SMCHD1: variants seen among roughly 807,000 people sequenced by gnomAD.
SMCHD1 encodes the protein structural maintenance of chromosomes flexible hinge domain containing 1, also known as structural maintenance of chromosomes flexible hinge domain-containing protein 1.
SMCHD1 carries 78 observed loss-of-function variants against 254.7 expected under a neutral mutation model. The ratio of observed to expected loss-of-function variants is 0.31; its 90% CI spans 0.26 to 0.37. The LOEUF is 0.37. Ranked by LOEUF, SMCHD1 falls within the 10% of genes least tolerant of loss-of-function variation. SMCHD1 has a pLI of 1.00. For missense variants in SMCHD1, 1,840 were observed against 2,408.1 expected (o/e 0.76, Z 4.94); for synonymous variants, 766 against 794.9 (o/e 0.96, Z 0.61).
At chr18:2,740,886 T>C (rs1043315298) in intron 28 of SMCHD1, 65 bp downstream of exon 28, 6 of 849,906 alleles carry the variant, frequency 7.1e-6, no homozygotes, top group Non-Finnish European at 1.1e-5. Context: ...ACAAAAAGTT[T>C]GGGAAAAACT....
In SMCHD1 at chr18:2,722,711, A is replaced by G. The variant is rs200081050; in HGVS notation, c.2603+48A>G. 1.7e-4 allele frequency: 251 copies of G among 1,501,680 alleles called. No homozygotes were observed. In the East Asian group the frequency reaches 4.8e-3, roughly 29 times the overall value. 93.0% of individuals were successfully genotyped at this position (1,501,680 alleles called of 1,614,324 possible). A position where few individuals can be genotyped will look rare whatever the true frequency, so the allele number is the denominator to read the frequency against. On this transcript the variant is annotated intron_variant, in intron 20 of 47. Transcript: ENST00000320876. ...ATTTGTCCTTTGATATTTGCTAAGC[A>G]TTTACTCTTTTTTTCAGCTTCATTT...
At chr18:2,703,927 A>G in intron 13 of SMCHD1, 41 bp downstream of exon 13, 1 of 1,444,196 alleles carries the variant, frequency 6.9e-7, no homozygotes, top group Non-Finnish European at 9.3e-7. Flanking sequence ...ATAATTTTTA[A>G]TTTAATTTAA....
intron 32 of SMCHD1, among the ~76,000 whole-genome samples, chr18:2,750,841 A>G (rs1375846281): frequency 1.3e-5 from 2 of 152,086 alleles, no homozygotes; most frequent in Admixed American, 6.5e-5. Flanking sequence ...TTTTTACCCT[A>G]TAAAGTAGAC....
rs62084229 is a variant in SMCHD1, at chr18:2,718,267, A to G, written c.2338+32A>G. 355,195 of 1,609,134 alleles carry G rather than the reference A, an allele frequency of 0.22. 41,131 individuals are homozygous for G. Among genetic ancestry groups the G allele is most frequent in the Admixed American group, 0.31 (18,202 of 59,462 alleles). ...TCTTATTCTGAATGTTAAAAAATAC[A>G]TTGGTATTGTGTTGACTTGATTTTT... On this transcript the variant is annotated intron_variant, in intron 18 of 47. Transcript: ENST00000320876. The surrounding 1 kb of genome is among the most constrained non-coding windows in gnomAD (Gnocchi z 4.6).
At chr18:2,680,916 C>G (rs1178802528) in intron 5 of SMCHD1, among the ~76,000 whole-genome samples, 1 of 152,108 alleles carries the variant, frequency 6.6e-6, no homozygotes, top group Non-Finnish European at 1.5e-5. Flanking sequence ...AGTGTTCACT[C>G]GTTTACTGAT....
intron 25 of SMCHD1, 123 bp from the exon 26 acceptor site, chr18:2,738,274 A>G (rs903926231): frequency 1.6e-5 from 14 of 870,916 alleles, no homozygotes; most frequent in Non-Finnish European, 2.2e-5. Context: ...TCTGACCATA[A>G]AGAGACTTTT....
intron 17 of SMCHD1, among the ~76,000 whole-genome samples, chr18:2,708,886 A>G (rs1447894704): frequency 4.1e-5 from 3 of 72,334 alleles, no homozygotes; most frequent in African/African-American, 2.1e-4. Context: ...ATATATATAT[A>G]TATATATATA....
chr18:2,793,374 T>C lies in SMCHD1; in HGVS notation c.5720-2575T>C, dbSNP rs968840766. Among the ~76,000 whole-genome samples, 9 of 152,184 alleles carry C rather than the reference T, an allele frequency of 5.9e-5. 1 individual carries two copies. Among genetic ancestry groups the C allele is most frequent in the Middle Eastern group, 6.8e-3 (2 of 294 alleles). The stretch of plus-strand genomic sequence containing the variant: ...TATTATTTTATGTACGTAGAAAACA[T>C]TGCTTGAGGCCAGGCGCAGTGGCTC... On this transcript the variant is annotated intron_variant, in intron 45 of 47. Coordinates refer to ENST00000320876, the MANE Select transcript of SMCHD1 (RefSeq NM_015295.3).
At chr18:2,677,359 T>C (rs948855684) in intron 5 of SMCHD1, among the ~76,000 whole-genome samples, 6 of 152,232 alleles carry the variant, frequency 3.9e-5, no homozygotes, top group Non-Finnish European at 7.3e-5. Context: ...GGTTCAATAT[T>C]TTTAATCTTG....
chr18:2,686,478 T>G (rs2074054725), intron 5 of SMCHD1, among the ~76,000 whole-genome samples: 1 of 152,236 alleles, frequency 6.6e-6, no homozygotes, highest in Non-Finnish European at 1.5e-5. Context: ...GCATCGTTTA[T>G]AAGGAGAAAT....
rs763328126 is a variant in SMCHD1 at position 2,743,974 on chromosome 18, C to T, written c.3801+46C>T. The T allele has an allele frequency of 2.8e-6, 4 of 1,438,240 alleles. No homozygotes were observed. The East Asian group carries it at 9.3e-5, about 33-fold the overall frequency. The allele number at this position is 1,438,240 out of a possible 1,614,324, so 89.1% of individuals were successfully genotyped here. A position where few individuals can be genotyped will look rare whatever the true frequency, so the allele number is the denominator to read the frequency against. ...ACTGAAAGAATTTAATATCATATGGCTTATTACTTTCAGATTGTCAGTGAA... is the reference window on the plus strand; with the variant it reads ...ACTGAAAGAATTTAATATCATATGGTTTATTACTTTCAGATTGTCAGTGAA... On this transcript the variant is annotated intron_variant, in intron 29 of 47. Coordinates refer to ENST00000320876, the MANE Select transcript of SMCHD1 (RefSeq NM_015295.3).
At chr18:2,715,923 T>C (rs1296950983) in intron 17 of SMCHD1, among the ~76,000 whole-genome samples, 1 of 152,210 alleles carries the variant, frequency 6.6e-6, no homozygotes, top group East Asian at 1.9e-4. Context: ...TTAGGATCCA[T>C]CGTTAGAGAA....
At chr18:2,790,432 T>C (rs2076301779) in intron 45 of SMCHD1, among the ~76,000 whole-genome samples, 1 of 152,124 alleles carries the variant, frequency 6.6e-6, no homozygotes, top group Non-Finnish European at 1.5e-5. Context: ...AACTTATAAA[T>C]TAAAATTTAT....
At chr18:2,682,125 G>C (rs2073944261) in intron 5 of SMCHD1, among the ~76,000 whole-genome samples, 1 of 151,818 alleles carries the variant, frequency 6.6e-6, no homozygotes. Flanking sequence ...GATAGAGATT[G>C]GTGGCCAGTT....
In SMCHD1 at chr18:2,698,113, G is replaced by C. The variant is rs1247964198; in HGVS notation, c.1342+72G>C. 4.8e-6 allele frequency: 6 copies of C among 1,250,158 alleles called. No individual in the cohort carries two copies. The African/African-American group carries it at 6.0e-5, about 13-fold the overall frequency. 77.4% of individuals were successfully genotyped at this position (1,250,158 alleles called of 1,614,324 possible). A position where few individuals can be genotyped will look rare whatever the true frequency, so the allele number is the denominator to read the frequency against. On this transcript the variant is annotated intron_variant, in intron 10 of 47. Transcript: ENST00000320876. Reference sequence around the variant, plus strand: ...AGGACAGTGATTTGTTTTTCTAAATGATTATCGGTTGGGTTATTCAGGTTA... The same window carrying C: ...AGGACAGTGATTTGTTTTTCTAAATCATTATCGGTTGGGTTATTCAGGTTA...
chr18:2,720,836 T>C (rs2074910763), intron 19 of SMCHD1, among the ~76,000 whole-genome samples: 1 of 152,162 alleles, frequency 6.6e-6, no homozygotes, highest in African/African-American at 2.4e-5. Flanking sequence ...ATGCTGGCCT[T>C]GAACTCCTGG....
At chr18:2,728,844 A>G (rs1040619487) in intron 23 of SMCHD1, 1 of 347,740 alleles carries the variant, frequency 2.9e-6, no homozygotes, top group Non-Finnish European at 5.1e-6. Flanking sequence ...TCTTGACTCC[A>G]TGCCTCTCAT....
chr18:2,769,702 G>T lies in SMCHD1; in HGVS notation c.4728G>T (p.Val1576=), dbSNP rs767743714. 1 of 1,598,708 alleles carries T rather than the reference G, an allele frequency of 6.3e-7. No homozygotes were observed. Residue 1576 remains valine, a synonymous_variant, in exon 38 of 48, where the codon GTG becomes GTT. Transcript: ENST00000320876. ...VNGSAEIMSL[V]LAESSPGRDS... ...TTTGTTTATATGTACAGAGTCTGGT[G>T]CTGGCAGAAAGTAGTCCTGGAAGGG...
rs747652827 is a variant in SMCHD1, at chr18:2,739,441, T to C, written c.3435T>C (p.Pro1145=). The part of the protein sequence containing the change: ...LESAFTVRPL[P]DEPKHLKCEM... The stretch of plus-strand genomic sequence containing the variant: ...TGTTAAACAATTTCAGACCACTTCC[T>C]GATGAACCTAAACATTTAAAATGTG... Residue 1145 remains proline (P), a synonymous_variant, in exon 27 of 48, where the codon CCT becomes CCC. Transcript: ENST00000320876. 38 of 1,612,880 alleles carry C rather than the reference T, an allele frequency of 2.4e-5. 2 individuals are homozygous for C. The South Asian group carries it at 3.6e-4, about 15-fold the overall frequency.
Sources: allele counts gnomAD v4.1 joint callset (sites outside exome capture counted in the v4.1 genomes callset), GRCh38; gene constraint gnomAD v4.1.1; non-coding constraint Gnocchi (gnomAD v3.1); transcripts MANE v1.5; gene names NCBI Gene and HGNC (gene_info 2026-07-23, HGNC 2026-07-21).